Variants in TRPM6 observed in about 807,000 individuals in gnomAD.
TRPM6 encodes transient receptor potential cation channel subfamily M member 6.
A neutral mutation model predicts 247.6 loss-of-function variants in TRPM6; 111 were observed. The observed-to-expected ratio is 0.45, with a 90% confidence interval of 0.38 to 0.52. The LOEUF (loss-of-function observed/expected upper bound fraction) is 0.52. TRPM6 is among the 20% of genes least tolerant of loss of function. TRPM6 has a pLI of 0.00. For synonymous variants in TRPM6, 892 were observed against 853.8 expected, an observed-to-expected ratio of 1.04 and a Z score of -0.78; for missense variants, 2,126 against 2,421.5, an observed-to-expected ratio of 0.88 and a Z score of 2.56.
chr9:74,786,915 T>C (rs1423689924), intron 20 of TRPM6, among the ~76,000 whole-genome samples: 1 of 151,724 alleles, frequency 6.6e-6, no homozygotes, highest in African/African-American at 2.4e-5. Context: ...AATATGATAT[T>C]GGGCCGGGTG....
intron 14 of TRPM6, among the ~76,000 whole-genome samples, chr9:74,807,399 C>G (rs1286614368): frequency 6.6e-6 from 1 of 152,206 alleles, no homozygotes; most frequent in African/African-American, 2.4e-5. Flanking sequence ...ATCCTCCCCT[C>G]ATCTTCTAAT....
intron 4 of TRPM6, 45 bp downstream of exon 4, chr9:74,842,121 A>G (rs771478968): frequency 6.2e-7 from 1 of 1,611,780 alleles, no homozygotes; most frequent in Non-Finnish European, 8.5e-7. Context: ...CGAAAAAAAA[A>G]AAAAAAGAAA....
At chr9:74,803,930 A>T (rs183433251) in intron 14 of TRPM6, 44 bp from the exon 15 acceptor site, 1 of 1,182,344 alleles carries the variant, frequency 8.5e-7, no homozygotes, top group Non-Finnish European at 1.3e-6. Flanking sequence ...CTGGCACGTT[A>T]TTATTTTATT....
At chr9:74,802,657 C>T (rs772717086) in intron 15 of TRPM6, among the ~76,000 whole-genome samples, 51 of 152,290 alleles carry the variant, frequency 3.3e-4, no homozygotes, top group Admixed American at 1.2e-3. Context: ...AAGCTCTAAC[C>T]TCACTTAGCA....
chr9:74,798,391 G>C (rs62569701), intron 17 of TRPM6, among the ~76,000 whole-genome samples: 850 of 151,834 alleles, frequency 5.6e-3, no homozygotes, highest in Non-Finnish European at 0.01. Context: ...TTTTTGTCCA[G>C]ATGTACAACC....
At chr9:74,793,189 A>C (rs1451858719) in intron 18 of TRPM6, among the ~76,000 whole-genome samples, 2 of 152,148 alleles carry the variant, frequency 1.3e-5, no homozygotes, top group Non-Finnish European at 2.9e-5. Context: ...CCACATGCCA[A>C]ATTATAATCT....
intron 30 of TRPM6, among the ~76,000 whole-genome samples, chr9:74,750,326 T>A (rs1371033278): frequency 6.6e-6 from 1 of 152,230 alleles, no homozygotes; most frequent in African/African-American, 2.4e-5. Context: ...ACAGACTGAT[T>A]TCTACTCTTT....
chr9:74,848,710 T>C (rs984525141), intron 3 of TRPM6, among the ~76,000 whole-genome samples: 3 of 152,334 alleles, frequency 2.0e-5, no homozygotes, highest in Admixed American at 6.5e-5. Flanking sequence ...GTCAATATTC[T>C]TCTTGACAGC....
At chr9:74,809,691 G>A (rs116448418) in intron 13 of TRPM6, among the ~76,000 whole-genome samples, 1 of 152,102 alleles carries the variant, frequency 6.6e-6, no homozygotes, top group African/African-American at 2.4e-5. Context: ...AATTTGCCAA[G>A]GAATAGGTGG....
chr9:74,842,266 T>C lies in TRPM6; in HGVS notation c.230A>G (p.Glu77Gly), dbSNP rs1036251193. The change falls in exon 4 of 39, where the codon GAA becomes GGA. Residue 77 changes from glutamate (E) to glycine (G), a missense_variant. Glu to Gly is a moderately conservative substitution (Grantham distance 98). Coordinates refer to ENST00000360774, the MANE Select transcript of TRPM6 (RefSeq NM_017662.5). ...CTTTTCAACAGACCATTGTTCACTTTCTTTACCCTTGGCAGCTGAGATGGT... is the reference window on the plus strand; with the variant it reads ...CTTTTCAACAGACCATTGTTCACTTCCTTTACCCTTGGCAGCTGAGATGGT... ...SWTISAAKGK[E>G]SEQWSVEKHT... 1 of 1,614,074 alleles carries C rather than the reference T, an allele frequency of 6.2e-7. No homozygotes were observed. Among genetic ancestry groups the C allele is most frequent in the African/African-American group, 1.3e-5 (1 of 74,920 alleles).
chr9:74,887,879 C>T lies in TRPM6; in HGVS notation c.-23G>A. The T allele has an allele frequency of 6.2e-7, 1 of 1,614,014 alleles. No homozygotes were observed. ...CATCTTTGATTTGCAGGCCCTGCTCCCAAAGCCCTGTCTGAGCTTTTAACT... is the reference window on the plus strand; with the variant it reads ...CATCTTTGATTTGCAGGCCCTGCTCTCAAAGCCCTGTCTGAGCTTTTAACT... On this transcript the variant is annotated 5_prime_UTR_variant, in exon 1 of 39. Coordinates refer to ENST00000360774, the MANE Select transcript of TRPM6 (RefSeq NM_017662.5).
chr9:74,851,104 C>CT (rs35374500), intron 3 of TRPM6, among the ~76,000 whole-genome samples: 6 of 151,618 alleles, frequency 4.0e-5, no homozygotes, highest in East Asian at 1.9e-4. Context: ...ACATTTTATT[C>CT]TTTTTTTTTC....
Position 74,821,812 on chromosome 9 carries a change from C to T in TRPM6, c.867G>A (p.Val289=). Residue 289 remains valine, a synonymous_variant, in exon 8 of 39, where the codon GTG becomes GTA. Coordinates refer to ENST00000360774, the MANE Select transcript of TRPM6 (RefSeq NM_017662.5). The stretch of plus-strand genomic sequence containing the variant: ...TGGGACCGCCTTCCACCACCAGCCC[C>T]ACGACCGGCACGCCTTGTCTTGAGC... ...HCRSRQGVPV[V]GLVVEGGPNV... is the part of the protein sequence containing the mutation. 6.2e-7 allele frequency: 1 copy of T among 1,614,186 alleles called. No homozygotes were observed. The highest frequency in any genetic ancestry group is 1.7e-5 in the Admixed American group (1 of 60,026).
rs757126922 is a variant in TRPM6, at chr9:74,810,836, A to G, written c.1476T>C (p.His492=). Residue 492 remains histidine (H), a synonymous_variant, in exon 13 of 39, where the codon CAT becomes CAC. Coordinates refer to ENST00000360774, the MANE Select transcript of TRPM6 (RefSeq NM_017662.5). ...TTACCTGTTTCACATCTTGGACGAG[A>G]TGATGCAAGAGTGTATTAGTAGGTC... ...KQGPTNTLLH[H]LVQDVKQHTL... The G allele has an allele frequency of 7.4e-6, 12 of 1,613,760 alleles. No homozygotes were observed. Among genetic ancestry groups the G allele is most frequent in the African/African-American group, 1.3e-5 (1 of 74,926 alleles).
At chr9:74,850,716 G>A (rs748862913) in intron 3 of TRPM6, among the ~76,000 whole-genome samples, 4 of 151,240 alleles carry the variant, frequency 2.6e-5, no homozygotes, top group Non-Finnish European at 4.4e-5. Context: ...GCAAAACTTC[G>A]TCTCAAAAAA....
intron 13 of TRPM6, among the ~76,000 whole-genome samples, chr9:74,809,087 C>G (rs557743186): frequency 6.6e-6 from 1 of 152,276 alleles, no homozygotes; most frequent in African/African-American, 2.4e-5. Context: ...GAGTAACTAT[C>G]TGAAACTCCA....
chr9:74,850,445 C>T (rs563138997), intron 3 of TRPM6, among the ~76,000 whole-genome samples: 8 of 152,042 alleles, frequency 5.3e-5, no homozygotes, highest in East Asian at 1.9e-4. Flanking sequence ...TAAGGCCGGG[C>T]GCGGTGGCTC....
intron 33 of TRPM6, among the ~76,000 whole-genome samples, chr9:74,741,661 G>A (rs1466993752): frequency 6.6e-6 from 1 of 151,920 alleles, no homozygotes; most frequent in Non-Finnish European, 1.5e-5. Context: ...AGTCTGGGGC[G>A]GGTAGATCAC....
chr9:74,812,488 A>T, intron 11 of TRPM6, 55 bp from the exon 12 acceptor site: 1 of 1,527,370 alleles, frequency 6.5e-7, no homozygotes, highest in Non-Finnish European at 9.0e-7. Context: ...AGAAATAACT[A>T]AAGAATTACA....
Sources: allele counts gnomAD v4.1 joint callset (sites outside exome capture counted in the v4.1 genomes callset), GRCh38; gene constraint gnomAD v4.1.1; transcripts MANE v1.5; gene names NCBI Gene and HGNC (gene_info 2026-07-23, HGNC 2026-07-21).